Variants in CGNL1 observed in about 807,000 individuals in gnomAD.
CGNL1 encodes cingulin like 1.
In CGNL1, 132 loss-of-function variants were observed where a neutral mutation model predicts 141.2. That is an observed-to-expected ratio of 0.93 (90% confidence interval 0.81 to 1.08). CGNL1 has a LOEUF of 1.08. Ranked by LOEUF, CGNL1 falls within the 50% of genes least tolerant of loss-of-function variation. The probability of loss-of-function intolerance (pLI) is 0.00; values close to 1 mark genes in which losing one functional copy is unlikely to be tolerated. For missense variants in CGNL1, 1,870 were observed against 1,588.6 expected (o/e 1.18, Z -3.01); for synonymous variants, 690 against 622.1 (o/e 1.11, Z -1.63).
chr15:57,395,708 G>A (rs1222230091), intron 1 of CGNL1, among the ~76,000 whole-genome samples: 1 of 152,322 alleles, frequency 6.6e-6, no homozygotes, highest in East Asian at 1.9e-4. Flanking sequence ...TATGTGCATT[G>A]CCTAATTGAA....
chr15:57,457,654 G>A (rs2063395941), intron 7 of CGNL1, among the ~76,000 whole-genome samples: 1 of 152,176 alleles, frequency 6.6e-6, no homozygotes, highest in African/African-American at 2.4e-5. Context: ...TCACATGGTG[G>A]CAAACAAGAG....
At chr15:57,448,115 T>C (rs753175033) in intron 4 of CGNL1, among the ~76,000 whole-genome samples, 16 of 152,002 alleles carry the variant, frequency 1.1e-4, no homozygotes, top group Non-Finnish European at 2.2e-4. Flanking sequence ...GAGACCAGCC[T>C]GAGCAACATA....
At chr15:57,380,811 C>G (rs1484540953) in intron 1 of CGNL1, among the ~76,000 whole-genome samples, 1 of 152,182 alleles carries the variant, frequency 6.6e-6, no homozygotes, top group Non-Finnish European at 1.5e-5. Flanking sequence ...CCATTTTTGG[C>G]ACATTAGTAA....
At chr15:57,546,385 G>A in intron 18 of CGNL1, 146 bp downstream of exon 18, 1 of 1,000,970 alleles carries the variant, frequency 1.0e-6, no homozygotes, top group Non-Finnish European at 1.4e-6. Flanking sequence ...GATGAAGGTG[G>A]CTGTGTCCAC....
At chr15:57,429,000 C>T (rs1449488150) in intron 1 of CGNL1, among the ~76,000 whole-genome samples, 5 of 151,280 alleles carry the variant, frequency 3.3e-5, no homozygotes, top group South Asian at 2.1e-4. Flanking sequence ...TCCAGCCTGG[C>T]GACAGAACTA....
In CGNL1 at chr15:57,440,405, A is replaced by C. The variant is rs956517464; in HGVS notation, c.1631A>C (p.Gln544Pro). 1.2e-6 allele frequency: 2 copies of C among 1,602,764 alleles called. No homozygotes were observed. Among genetic ancestry groups the C allele is most frequent in the African/African-American group, 2.7e-5 (2 of 74,844 alleles). Residue 544 changes from glutamine (Q) to proline (P), a missense_variant, in exon 3 of 19, where the codon CAA (glutamine) becomes CCA (proline). Transcript: ENST00000281282. ...QATPDLLKGQQELTQQTNEET... is the reference protein window; with the variant it reads ...QATPDLLKGQPELTQQTNEET... ...ACACCGGATCTCTTAAAGGGCCAGC[A>C]AGAGCTCACTCAGCAAACCAATGAG...
At chr15:57,470,343 A>C (rs1567138260) in intron 8 of CGNL1, among the ~76,000 whole-genome samples, 1 of 150,308 alleles carries the variant, frequency 6.7e-6, no homozygotes, top group Non-Finnish European at 1.5e-5. Flanking sequence ...AAAAGTATAT[A>C]AATAAGAGGT....
chr15:57,492,730 G>A (rs1280366), intron 8 of CGNL1, among the ~76,000 whole-genome samples: 12,288 of 151,938 alleles, frequency 0.081, 632 homozygotes, highest in Non-Finnish European at 0.1. Context: ...TTCCTCAGGG[G>A]AATTAAAGCT....
chr15:57,432,943 CTG>C (rs1173964189), intron 1 of CGNL1, among the ~76,000 whole-genome samples: 3 of 152,188 alleles, frequency 2.0e-5, no homozygotes, highest in Non-Finnish European at 4.4e-5. Flanking sequence ...TTAGTGTTGA[CTG>C]TAGTAGGAAT....
At chr15:57,538,457 A>G (rs1167739079) in intron 14 of CGNL1, among the ~76,000 whole-genome samples, 1 of 150,204 alleles carries the variant, frequency 6.7e-6, no homozygotes, top group Non-Finnish European at 1.5e-5. Context: ...GGTGGGGGAT[A>G]AATAATTCCT....
intron 13 of CGNL1, among the ~76,000 whole-genome samples, chr15:57,529,639 A>G (rs2031845051): frequency 6.6e-6 from 1 of 151,958 alleles, no homozygotes; most frequent in Non-Finnish European, 1.5e-5. Flanking sequence ...AGAGGGAGAG[A>G]CACTGAAAAA....
intron 8 of CGNL1, among the ~76,000 whole-genome samples, chr15:57,469,874 G>A (rs2063557621): frequency 6.6e-6 from 1 of 152,204 alleles, no homozygotes; most frequent in Non-Finnish European, 1.5e-5. Flanking sequence ...GTCTGAAGAG[G>A]TTCTTCCAAA....
At chr15:57,460,545 C>G (rs1352848778) in intron 7 of CGNL1, among the ~76,000 whole-genome samples, 2 of 152,146 alleles carry the variant, frequency 1.3e-5, no homozygotes, top group Non-Finnish European at 2.9e-5. Flanking sequence ...TTAATTGACT[C>G]ACAGTTCCGC....
chr15:57,529,608 ACG>A (rs1491525972), intron 13 of CGNL1, among the ~76,000 whole-genome samples: 20 of 144,594 alleles, frequency 1.4e-4, no homozygotes, highest in African/African-American at 4.3e-4. Flanking sequence ...ACACACACAC[ACG>A]CCCCAGTAGA....
At chr15:57,385,519 C>T (rs768964871) in intron 1 of CGNL1, among the ~76,000 whole-genome samples, 1 of 152,326 alleles carries the variant, frequency 6.6e-6, no homozygotes, top group Admixed American at 6.5e-5. Context: ...GTTTCATCTC[C>T]TGTATTTTCA....
intron 8 of CGNL1, among the ~76,000 whole-genome samples, chr15:57,476,129 C>G (rs1432780251): frequency 1.3e-5 from 2 of 152,096 alleles, no homozygotes; most frequent in Non-Finnish European, 2.9e-5. Flanking sequence ...AAGCTGACAG[C>G]CAGTTCGGTG....
At chr15:57,393,521 A>T (rs2062565757) in intron 1 of CGNL1, among the ~76,000 whole-genome samples, 1 of 152,172 alleles carries the variant, frequency 6.6e-6, no homozygotes, top group Non-Finnish European at 1.5e-5. Flanking sequence ...GTGTGTATTT[A>T]TGCATGTGTG....
chr15:57,395,892 T>A (rs1243262384), intron 1 of CGNL1, among the ~76,000 whole-genome samples: 2 of 152,242 alleles, frequency 1.3e-5, no homozygotes, highest in Non-Finnish European at 1.5e-5. Context: ...TAAATTATAA[T>A]GTACAGAATC....
chr15:57,470,875 A>G (rs2063573036), intron 8 of CGNL1, among the ~76,000 whole-genome samples: 2 of 152,334 alleles, frequency 1.3e-5, no homozygotes, highest in South Asian at 4.1e-4. Context: ...GAGAAATAGC[A>G]TGTCAGTTCT....
Sources: gnomAD v4.1 joint callset for allele counts (sites outside exome capture counted in the v4.1 genomes callset) on GRCh38, gnomAD v4.1.1 for gene constraint, MANE v1.5 for transcripts, NCBI Gene and HGNC (gene_info 2026-07-23, HGNC 2026-07-21) for gene names.